The following CRISPLD2 variants were observed in gnomAD, a reference collection of about 807,000 sequenced individuals.
The protein encoded by CRISPLD2 is cysteine-rich secretory protein LCCL domain-containing 2.
Under a neutral mutation model 71.1 loss-of-function variants are expected in CRISPLD2, and 47 were observed. The ratio of observed to expected loss-of-function variants is 0.66; its 90% CI spans 0.52 to 0.84. CRISPLD2 has a LOEUF of 0.84. Among genes scored for constraint, CRISPLD2 ranks in the 40% least tolerant of loss-of-function variants. The pLI, the probability that CRISPLD2 is intolerant of heterozygous loss-of-function variation, is 0.00. For missense variants in CRISPLD2, 830 were observed against 651.1 expected (o/e 1.27, Z -2.99); for synonymous variants, 317 against 250.1 (o/e 1.27, Z -2.52).
chr16:84,868,573 C>T (rs961847365), intron 7 of CRISPLD2, among the ~76,000 whole-genome samples: 2 of 152,216 alleles, frequency 1.3e-5, no homozygotes, highest in Non-Finnish European at 2.9e-5. Flanking sequence ...CACAAAAGCC[C>T]TTGGAGGTGG....
At chr16:84,856,786 G>T (rs1032838237) in intron 6 of CRISPLD2, among the ~76,000 whole-genome samples, 7 of 152,142 alleles carry the variant, frequency 4.6e-5, no homozygotes, top group African/African-American at 7.2e-5. Context: ...TCAGAATGTT[G>T]GGGAACATGG....
At chr16:84,865,384 G>T (rs558447173) in intron 6 of CRISPLD2, among the ~76,000 whole-genome samples, 21 of 152,280 alleles carry the variant, frequency 1.4e-4, no homozygotes, top group African/African-American at 4.6e-4. Flanking sequence ...TCAAACTCCT[G>T]ACCTCATGCA....
rs935205625 is a variant in CRISPLD2 at position 84,833,209 on chromosome 16, G to A, written c.-74-5213G>A. 9.2e-5 allele frequency among the ~76,000 whole-genome samples: 14 copies of A among 152,258 alleles called. No individual in the cohort carries two copies. The East Asian group carries it at 1.2e-3, about 13-fold the overall frequency. On this transcript the variant is annotated intron_variant, in intron 1 of 14. Coordinates refer to ENST00000262424, the MANE Select transcript of CRISPLD2 (RefSeq NM_031476.4). ...GCAGCGCGGGAGAAGTGTGGCTCCCGTCGCTTTGATTCGCCAGCTGTGGGT... is the reference window on the plus strand; with the variant it reads ...GCAGCGCGGGAGAAGTGTGGCTCCCATCGCTTTGATTCGCCAGCTGTGGGT...
intron 14 of CRISPLD2, among the ~76,000 whole-genome samples, chr16:84,896,334 C>G (rs1370910261): frequency 6.6e-6 from 1 of 151,962 alleles, no homozygotes; most frequent in African/African-American, 2.4e-5. Flanking sequence ...CAGGTGTGAG[C>G]CACCGTGCCC....
intron 14 of CRISPLD2, among the ~76,000 whole-genome samples, chr16:84,901,303 A>T (rs2071751807): frequency 6.6e-6 from 1 of 152,206 alleles, no homozygotes; most frequent in African/African-American, 2.4e-5. Flanking sequence ...ACATCCACAT[A>T]AGATCTAAAC....
At chr16:84,846,857 T>C (rs1259306512) in intron 3 of CRISPLD2, among the ~76,000 whole-genome samples, 1 of 152,236 alleles carries the variant, frequency 6.6e-6, no homozygotes, top group Non-Finnish European at 1.5e-5. Flanking sequence ...CGGTTGTCTG[T>C]TAAATGCAGC....
intron 8 of CRISPLD2, among the ~76,000 whole-genome samples, chr16:84,871,652 A>G (rs1037183492): frequency 6.6e-6 from 1 of 151,186 alleles, no homozygotes; most frequent in African/African-American, 2.4e-5. Context: ...CCAGGGTTCA[A>G]GTGACTTTCC....
intron 2 of CRISPLD2, among the ~76,000 whole-genome samples, chr16:84,843,177 C>A (rs757377549): frequency 3.9e-5 from 6 of 152,092 alleles, no homozygotes; most frequent in Admixed American, 1.3e-4. Flanking sequence ...GGAGGCTGAG[C>A]CTTCATGGAT....
At chr16:84,905,386 A>G (rs1259224722) in intron 14 of CRISPLD2, among the ~76,000 whole-genome samples, 1 of 152,182 alleles carries the variant, frequency 6.6e-6, no homozygotes, top group Non-Finnish European at 1.5e-5. Context: ...GTTAAACTTA[A>G]TAAAGTTGGT....
chr16:84,821,547 C>G (rs1474301418), intron 1 of CRISPLD2, among the ~76,000 whole-genome samples: 1 of 152,164 alleles, frequency 6.6e-6, no homozygotes, highest in Non-Finnish European at 1.5e-5. Flanking sequence ...GGAATGCTGT[C>G]ACCCCCAGGT....
intron 13 of CRISPLD2, among the ~76,000 whole-genome samples, chr16:84,882,024 A>T (rs550596658): frequency 4.0e-4 from 61 of 152,310 alleles, no homozygotes; most frequent in Middle Eastern, 6.8e-3. Flanking sequence ...TTGAGTTATA[A>T]GAGTTAGAAT....
intron 9 of CRISPLD2, 26 bp downstream of exon 9, chr16:84,872,534 A>T (rs377233935): frequency 6.3e-7 from 1 of 1,591,948 alleles, no homozygotes; most frequent in South Asian, 1.1e-5. Context: ...CCTCCTCTCA[A>T]TGGCTTGTGT....
At chr16:84,830,910 G>C (rs754508396) in intron 1 of CRISPLD2, among the ~76,000 whole-genome samples, 1 of 152,146 alleles carries the variant, frequency 6.6e-6, no homozygotes, top group Non-Finnish European at 1.5e-5. Flanking sequence ...CTTCACACTG[G>C]TTGCTTGAAG....
At chr16:84,860,124 G>T (rs1336188106) in intron 6 of CRISPLD2, among the ~76,000 whole-genome samples, 2 of 152,086 alleles carry the variant, frequency 1.3e-5, no homozygotes, top group African/African-American at 4.8e-5. Flanking sequence ...GGCATTTCCA[G>T]TTCACTCACA....
chr16:84,847,450 G>T (rs541720244), intron 3 of CRISPLD2, among the ~76,000 whole-genome samples: 1 of 152,288 alleles, frequency 6.6e-6, no homozygotes, highest in Admixed American at 6.5e-5. Context: ...AGGAGTTCAA[G>T]ACTATCCTGG....
At chr16:84,849,328 C>G (rs1917010768) in intron 3 of CRISPLD2, 57 bp from the exon 4 acceptor site, 2 of 1,529,370 alleles carry the variant, frequency 1.3e-6, no homozygotes, top group African/African-American at 2.7e-5. Context: ...CTGCTGCTGT[C>G]TCCACTGGTG....
chr16:84,853,876 G>A (rs1049816961), intron 5 of CRISPLD2, among the ~76,000 whole-genome samples: 4 of 152,244 alleles, frequency 2.6e-5, no homozygotes, highest in African/African-American at 7.2e-5. Context: ...GGCTGGCCGA[G>A]GGCACATGCT....
chr16:84,865,639 T>G (rs1433073482), intron 6 of CRISPLD2, among the ~76,000 whole-genome samples: 1 of 152,142 alleles, frequency 6.6e-6, no homozygotes, highest in Non-Finnish European at 1.5e-5. Flanking sequence ...ATGCCATAAG[T>G]AAAGGTATTA....
intron 6 of CRISPLD2, among the ~76,000 whole-genome samples, chr16:84,860,170 A>G (rs893264577): frequency 2.0e-5 from 3 of 152,204 alleles, no homozygotes; most frequent in Admixed American, 1.3e-4. Context: ...CAGCTAACCA[A>G]GCAAATAAAG....
Sources: gnomAD v4.1 joint callset for allele counts (sites outside exome capture counted in the v4.1 genomes callset) on GRCh38, gnomAD v4.1.1 for gene constraint, MANE v1.5 for transcripts, NCBI Gene and HGNC (gene_info 2026-07-23, HGNC 2026-07-21) for gene names.